The following STYXL2 variants were observed in gnomAD, a reference collection of about 807,000 sequenced individuals.
STYXL2 encodes the protein serine/threonine/tyrosine interacting like 2.
STYXL2 carries 44 observed loss-of-function variants against 52.4 expected under a neutral mutation model. That is an observed-to-expected ratio of 0.84 (90% CI 0.66 to 1.08). The LOEUF is 1.08. STYXL2 is among the 50% of genes least tolerant of loss of function. STYXL2 has a pLI of 0.00. For missense variants in STYXL2, 1,604 were observed against 1,471.7 expected (o/e 1.09, Z -1.47); for synonymous variants, 604 against 586.9 (o/e 1.03, Z -0.42).
At position 167,120,138 on chromosome 1, in the gene STYXL2, C is replaced by T. The variant is rs1041007490; in HGVS notation, c.655+672C>T. On this transcript the variant is annotated intron_variant, in intron 5 of 5. Coordinates refer to ENST00000361200, the MANE Select transcript of STYXL2 (RefSeq NM_001080426.3). ...CCCTCCCTCCACCTTGGAGAACAGACCGAGTTGGGAAGGTAGAGAGTAGTG... is the reference window on the plus strand; with the variant it reads ...CCCTCCCTCCACCTTGGAGAACAGATCGAGTTGGGAAGGTAGAGAGTAGTG... Among the ~76,000 whole-genome samples the T allele has an allele frequency of 2.0e-5, 3 of 152,276 alleles. No homozygotes were observed. The East Asian group carries it at 5.8e-4, about 29-fold the overall frequency.
chr1:167,094,826 A>C lies in STYXL2; in HGVS notation c.-16-8A>C, dbSNP rs140593691. On this transcript the variant is annotated splice_region_variant and splice_polypyrimidine_tract_variant and intron_variant, in intron 1 of 5. Transcript: ENST00000361200. ...TCCCTAACTGCCTTTTTCTTGCCAAACTTTCAGAGGTTGGCAGGTTGTCAT... is the reference window on the plus strand; with the variant it reads ...TCCCTAACTGCCTTTTTCTTGCCAACCTTTCAGAGGTTGGCAGGTTGTCAT... 2 of 1,595,102 alleles carry C rather than the reference A, an allele frequency of 1.3e-6. No individual in the cohort carries two copies. Among genetic ancestry groups the C allele is most frequent in the East Asian group, 4.5e-5 (2 of 44,586 alleles).
chr1:167,128,100 C>A lies in STYXL2; in HGVS notation c.2969C>A (p.Thr990Asn), dbSNP rs1484043597. 2 of 1,614,218 alleles carry A rather than the reference C, an allele frequency of 1.2e-6. No homozygotes were observed. The highest frequency in any genetic ancestry group is 2.7e-5 in the African/African-American group (2 of 75,048). Reference sequence around the variant, plus strand: ...AAATCCCAGTCAGAGGAACAGGACACCTCCTCCTACCACGAGGCAAATGGC... The same window carrying A: ...AAATCCCAGTCAGAGGAACAGGACAACTCCTCCTACCACGAGGCAAATGGC... Reference protein sequence around the residue: ...FSKSQSEEQDTSSYHEANGNS... With the variant: ...FSKSQSEEQDNSSYHEANGNS... Residue 990 changes from threonine (T) to asparagine (N), a missense_variant, in exon 6 of 6, where the codon ACC becomes AAC. Thr to Asn is a moderately conservative substitution (Grantham distance 65, BLOSUM62 0). Coordinates refer to ENST00000361200, the MANE Select transcript of STYXL2 (RefSeq NM_001080426.3).
intron 5 of STYXL2, among the ~76,000 whole-genome samples, chr1:167,124,159 C>T (rs1667915028): frequency 1.3e-5 from 2 of 152,188 alleles, no homozygotes; most frequent in South Asian, 2.1e-4. Flanking sequence ...GATCCTCTAA[C>T]TTGTCCTCCC....
intron 4 of STYXL2, among the ~76,000 whole-genome samples, chr1:167,118,685 A>T (rs1395111042): frequency 6.6e-6 from 1 of 152,204 alleles, no homozygotes; most frequent in Non-Finnish European, 1.5e-5. Context: ...CTGAACTAGA[A>T]ATCTAAAACA....
chr1:167,113,491 C>A (rs528686314), intron 2 of STYXL2, among the ~76,000 whole-genome samples: 8 of 152,236 alleles, frequency 5.3e-5, no homozygotes, highest in Non-Finnish European at 1.2e-4. Context: ...AAACATCACA[C>A]ACCATCAGTG....
intron 2 of STYXL2, among the ~76,000 whole-genome samples, chr1:167,109,068 G>T (rs1199146219): frequency 6.6e-6 from 1 of 152,214 alleles, no homozygotes; most frequent in East Asian, 1.9e-4. Context: ...GGGTCCTTGG[G>T]GAGGGCAGCC....
Position 167,126,930 on chromosome 1 carries a change from T to A in STYXL2, c.1799T>A (p.Val600Glu). 6.2e-7 allele frequency: 1 copy of A among 1,611,206 alleles called. No homozygotes were observed. The highest frequency in any genetic ancestry group is 8.5e-7 in the Non-Finnish European group (1 of 1,178,694). Residue 600 changes from valine (V) to glutamate (E), a missense_variant, in exon 6 of 6, where the codon GTG (valine) becomes GAG (glutamate). Transcript: ENST00000361200. ...QAWKLKHQKK[V>E]GSENKEEVVE... ...TGGAAGCTGAAACACCAGAAGAAGG[T>A]GGGCAGTGAGAACAAGGAGGAGGTG...
intron 2 of STYXL2, among the ~76,000 whole-genome samples, chr1:167,110,850 C>T (rs959064361): frequency 6.6e-6 from 1 of 152,218 alleles, no homozygotes; most frequent in Admixed American, 6.5e-5. Context: ...AGCACTTCCC[C>T]AACCCCTCTC....
At chr1:167,120,076 G>A (rs1257966881) in intron 5 of STYXL2, among the ~76,000 whole-genome samples, 1 of 152,214 alleles carries the variant, frequency 6.6e-6, no homozygotes, top group African/African-American at 2.4e-5. Flanking sequence ...TAAGAAGTTG[G>A]AGCGGCACCT....
At chr1:167,094,481 A>T (rs924021529) in intron 1 of STYXL2, 64 of 278,226 alleles carry the variant, frequency 2.3e-4, no homozygotes, top group Admixed American at 1.2e-3. Context: ...TATAATTTCA[A>T]CTGAAAAATC....
chr1:167,105,072 G>A (rs1667482293), intron 2 of STYXL2, among the ~76,000 whole-genome samples: 1 of 142,108 alleles, frequency 7.0e-6, no homozygotes, highest in Non-Finnish European at 1.5e-5. Context: ...AATGGGTGGT[G>A]CTATTCCCTT....
At chr1:167,099,720 T>C (rs955019060) in intron 2 of STYXL2, among the ~76,000 whole-genome samples, 1 of 152,246 alleles carries the variant, frequency 6.6e-6, no homozygotes, top group East Asian at 1.9e-4. Context: ...TTGCAGTATC[T>C]ACTAAAGCTA....
At chr1:167,107,326 C>T (rs1667525370) in intron 2 of STYXL2, among the ~76,000 whole-genome samples, 1 of 152,204 alleles carries the variant, frequency 6.6e-6, no homozygotes, top group African/African-American at 2.4e-5. Flanking sequence ...GTCACAGAGA[C>T]TACCCAGATT....
rs1558029035 is a variant in STYXL2 at position 167,128,043 on chromosome 1, CAG to C, written c.2915_2916del (p.Glu972ValfsTer2). The C allele has an allele frequency of 1.2e-6, 2 of 1,610,944 alleles. No homozygotes were observed. The highest frequency in any genetic ancestry group is 1.1e-5 in the South Asian group (1 of 91,084). ...ACCAGATCGTCCCTGCTCAGGGAGA[CAG>C]AGTCTAAATCCTCCAGTTACAAGTT... is the stretch of plus-strand genomic sequence containing the variant. On this transcript the variant is annotated frameshift_variant, in exon 6 of 6. Transcript: ENST00000361200. LOFTEE classifies it high-confidence loss of function.
At chr1:167,119,226 C>T in intron 4 of STYXL2, 23 bp from the exon 5 acceptor site, 3 of 1,610,766 alleles carry the variant, frequency 1.9e-6, no homozygotes, top group African/African-American at 1.3e-5. Context: ...CTCTTGCAAA[C>T]AGGTCCCTGC....
In STYXL2 at chr1:167,126,439, G is replaced by A; in HGVS notation, c.1308G>A (p.Glu436=). Residue 436 remains glutamate (E), a synonymous_variant, in exon 6 of 6, where the codon GAG becomes GAA. Transcript: ENST00000361200. ...GGAGGCGGCGGCGCACCCTGAGCGA[G>A]AGCAGCGCCTGGGAGAGCGTGAGCA... is the stretch of plus-strand genomic sequence containing the variant. The part of the protein sequence containing the change: ...SVGRRRRTLS[E]SSAWESVSSH... 1 of 1,574,930 alleles carries A rather than the reference G, an allele frequency of 6.3e-7. No individual in the cohort carries two copies. The highest frequency in any genetic ancestry group is 2.3e-5 in the East Asian group (1 of 42,848).
At chr1:167,123,924 T>C (rs1000268630) in intron 5 of STYXL2, among the ~76,000 whole-genome samples, 1 of 149,746 alleles carries the variant, frequency 6.7e-6, no homozygotes, top group East Asian at 2.0e-4. Flanking sequence ...ACACCCTTGT[T>C]TGTTTATTTT....
intron 2 of STYXL2, among the ~76,000 whole-genome samples, chr1:167,105,836 T>C (rs1056589332): frequency 6.6e-6 from 1 of 152,222 alleles, no homozygotes; most frequent in Non-Finnish European, 1.5e-5. Flanking sequence ...AGTTTAATGT[T>C]GCTCACATTT....
In STYXL2 at chr1:167,126,217, A is replaced by T. The variant is rs1343530275; in HGVS notation, c.1086A>T (p.Ser362=). 1 of 1,541,216 alleles carries T rather than the reference A, an allele frequency of 6.5e-7. No homozygotes were observed. Among genetic ancestry groups the T allele is most frequent in the Non-Finnish European group, 8.7e-7 (1 of 1,149,496 alleles). The change falls in exon 6 of 6, where the codon TCA becomes TCT. Residue 362 remains serine, a synonymous_variant. Coordinates refer to ENST00000361200, the MANE Select transcript of STYXL2 (RefSeq NM_001080426.3). ...EQWKKGQGLL[S]DKVPQDGGGW... Reference sequence around the variant, plus strand: ...GGAAGAAGGGGCAGGGCCTCCTCTCAGACAAGGTCCCCCAGGATGGAGGTG... The same window carrying T: ...GGAAGAAGGGGCAGGGCCTCCTCTCTGACAAGGTCCCCCAGGATGGAGGTG...
Sources: gnomAD v4.1 joint callset for allele counts (sites outside exome capture counted in the v4.1 genomes callset) on GRCh38, gnomAD v4.1.1 for gene constraint, MANE v1.5 for transcripts, NCBI Gene and HGNC (gene_info 2026-07-23, HGNC 2026-07-21) for gene names.